The following USP9X variants were observed in gnomAD, a reference collection of about 807,000 sequenced individuals.
USP9X encodes ubiquitin specific peptidase 9 X-linked, also known as ubiquitin carboxyl-terminal hydrolase 9X.
In USP9X, 7 loss-of-function variants were observed where a neutral mutation model predicts 190.3. The ratio of observed to expected loss-of-function variants is 0.04; its 90% CI spans 0.02 to 0.07. The LOEUF is 0.07. Among genes scored for constraint, USP9X ranks in the 10% least tolerant of loss-of-function variants. The pLI is 1.00. For missense variants in USP9X, 1,010 were observed against 1,916.9 expected (o/e 0.53, Z 8.83); for synonymous variants, 645 against 659.5 (o/e 0.98, Z 0.34).
At chrX:41,117,892 C>G (rs1037154524) in intron 1 of USP9X, among the ~76,000 whole-genome samples, 6 of 110,371 alleles carry the variant, frequency 5.4e-5, no homozygotes, top group Admixed American at 1.9e-4. Flanking sequence ...GAGTCTCACT[C>G]TGTCATCCAG....
chrX:41,205,207 A>G (rs1204169967), intron 31 of USP9X, 96 bp from the exon 32 acceptor site: 2 of 662,553 alleles, frequency 3.0e-6, no homozygotes, highest in East Asian at 7.4e-5. Context: ...AATGAGCATA[A>G]TAGGAATACA....
intron 21 of USP9X, among the ~76,000 whole-genome samples, chrX:41,183,535 C>T (rs926172085): frequency 5.4e-5 from 6 of 111,625 alleles, no homozygotes; most frequent in Non-Finnish European, 9.4e-5. Context: ...TACCCTTTTT[C>T]GATGTTTGCT....
chrX:41,114,989 G>A (rs1276421873), intron 1 of USP9X, among the ~76,000 whole-genome samples: 16 of 109,053 alleles, frequency 1.5e-4, no homozygotes, highest in African/African-American at 5.3e-4. Flanking sequence ...TTGAGAGGCC[G>A]AGGCGGGTGG....
intron 1 of USP9X, among the ~76,000 whole-genome samples, chrX:41,096,450 A>G (rs1601929264): frequency 9.0e-6 from 1 of 111,090 alleles, no homozygotes; most frequent in Non-Finnish European, 1.9e-5. Flanking sequence ...TTTTTATTTT[A>G]TTGATTTTTT....
At chrX:41,137,582 A>C (rs5918121) in intron 6 of USP9X, among the ~76,000 whole-genome samples, 52,920 of 109,579 alleles carry the variant, frequency 0.48, 9,668 homozygotes, top group Non-Finnish European at 0.56. Context: ...ATATAATTTT[A>C]AAATTTTAGA....
intron 9 of USP9X, among the ~76,000 whole-genome samples, chrX:41,141,877 G>A (rs1409234246): frequency 1.8e-5 from 2 of 111,835 alleles, no homozygotes; most frequent in Non-Finnish European, 3.8e-5. Flanking sequence ...ACGATTTTGA[G>A]AATTTTATTT....
At chrX:41,117,579 C>CTTT (rs746348929) in intron 1 of USP9X, among the ~76,000 whole-genome samples, 4 of 76,050 alleles carry the variant, frequency 5.3e-5, no homozygotes, top group Admixed American at 1.6e-4. Context: ...TTTTCTTCTT[C>CTTT]TTTTTTTTTT....
chrX:41,190,726 G>GT (rs1479175669), intron 26 of USP9X, among the ~76,000 whole-genome samples: 3 of 111,078 alleles, frequency 2.7e-5, no homozygotes, highest in Non-Finnish European at 5.7e-5. Flanking sequence ...ATTTAACAGG[G>GT]TTTTTTGCCC....
intron 1 of USP9X, among the ~76,000 whole-genome samples, chrX:41,115,462 G>T (rs1218113725): frequency 8.9e-6 from 1 of 111,891 alleles, no homozygotes; most frequent in East Asian, 2.8e-4. Flanking sequence ...CACAAGTCAA[G>T]ATTAATTTCC....
In USP9X at chrX:41,185,277, A is replaced by G. The variant is rs145914100; in HGVS notation, c.3558+602A>G. ...TTCTTTAGAAATGGCTTAGTTTTCAATTGTGGAGATCAGAATGTTGATATT... is the reference window on the plus strand; with the variant it reads ...TTCTTTAGAAATGGCTTAGTTTTCAGTTGTGGAGATCAGAATGTTGATATT... On this transcript the variant is annotated intron_variant, in intron 23 of 44. Transcript: ENST00000378308. Among the ~76,000 whole-genome samples, 243 of 112,473 alleles carry G rather than the reference A, an allele frequency of 2.2e-3. 1 individual carries two copies. Among genetic ancestry groups the G allele is most frequent in the African/African-American group, 7.7e-3 (238 of 31,012 alleles).
chrX:41,210,763 T>C, intron 33 of USP9X, 81 bp downstream of exon 33: 1 of 904,039 alleles, frequency 1.1e-6, no homozygotes, highest in Non-Finnish European at 1.6e-6. Context: ...AGTACTTACA[T>C]ACAAAAGTGG....
At chrX:41,097,845 C>T (rs772701273) in intron 1 of USP9X, among the ~76,000 whole-genome samples, 5 of 111,342 alleles carry the variant, frequency 4.5e-5, no homozygotes, top group Non-Finnish European at 7.5e-5. Flanking sequence ...ACAATTTTGA[C>T]CTCTCTGACC....
intron 12 of USP9X, among the ~76,000 whole-genome samples, chrX:41,149,821 G>A (rs367914988): frequency 1.8e-5 from 2 of 109,177 alleles, no homozygotes; most frequent in East Asian, 5.8e-4. Context: ...CTCCTGCCTC[G>A]GCCTCCCCAG....
chrX:41,210,981 C>T (rs748303666), intron 33 of USP9X, among the ~76,000 whole-genome samples: 4 of 107,861 alleles, frequency 3.7e-5, no homozygotes, highest in South Asian at 4.0e-4. Flanking sequence ...TTTCCTTTCT[C>T]TTTTTTTTTC....
chrX:41,114,173 G>C (rs1424642937), intron 1 of USP9X, among the ~76,000 whole-genome samples: 1 of 112,449 alleles, frequency 8.9e-6, no homozygotes, highest in Non-Finnish European at 1.9e-5. Context: ...TTTTCATCAT[G>C]TTTAGTGCAA....
chrX:41,088,197 A>G (rs1162422938), intron 1 of USP9X, among the ~76,000 whole-genome samples: 2 of 111,682 alleles, frequency 1.8e-5, no homozygotes, highest in African/African-American at 6.5e-5. Flanking sequence ...GTTAGCCAGG[A>G]TGGCCTCGAT....
chrX:41,170,651 TA>T, intron 20 of USP9X, 32 bp downstream of exon 20: 1 of 1,177,843 alleles, frequency 8.5e-7, no homozygotes, highest in South Asian at 1.9e-5. Flanking sequence ...CTACTGTATG[TA>T]AGGCATCATG....
At chrX:41,208,108 A>G (rs2063122162) in intron 32 of USP9X, among the ~76,000 whole-genome samples, 1 of 104,862 alleles carries the variant, frequency 9.5e-6, no homozygotes, top group Non-Finnish European at 2.0e-5. Flanking sequence ...ATCTCGGCTC[A>G]CGGTAACCTC....
At chrX:41,125,643 AACACACACACACACACAC>A (rs748348083) in intron 2 of USP9X, among the ~76,000 whole-genome samples, 6 of 27,701 alleles carry the variant, frequency 2.2e-4, no homozygotes, top group Non-Finnish European at 3.3e-4. Context: ...CCCTCCCGCC[AACACACACACACACACAC>A]ACACACACAC....
Sources: gnomAD v4.1 joint callset for allele counts (sites outside exome capture counted in the v4.1 genomes callset) on GRCh38, gnomAD v4.1.1 for gene constraint, MANE v1.5 for transcripts, NCBI Gene and HGNC (gene_info 2026-07-23, HGNC 2026-07-21) for gene names.